The following ZNF285 variants were observed in gnomAD, a reference collection of about 807,000 sequenced individuals.
The protein encoded by ZNF285 is zinc finger protein 285.
A neutral mutation model predicts 6.2 loss-of-function variants in ZNF285; 4 were observed. The observed-to-expected ratio is 0.65, with a 90% CI of 0.32 to 1.49. The LOEUF (loss-of-function observed/expected upper bound fraction) is 1.49. ZNF285 is among the 40% of genes most tolerant of loss of function. ZNF285 has a pLI of 0.07. For missense variants in ZNF285, 695 were observed against 708.8 expected (o/e 0.98, Z 0.22); for synonymous variants, 240 against 245.8 (o/e 0.98, Z 0.22).
In ZNF285 at chr19:44,388,070, G is replaced by A; in HGVS notation, c.175C>T (p.Gln59Ter). ...DGIKNNILNL[Q>*]AKGLSYLSQE... The stretch of plus-strand genomic sequence containing the variant: ...GAAAGGTAACTTAACCCCTTTGCCT[G>A]AAGATTCAAAATGTTGTTTTTAATC... The change falls in exon 4 of 4, where the codon CAG becomes TAG. Residue 59 changes from glutamine to a stop codon, truncating the protein, a stop_gained. Transcript: ENST00000614994. LOFTEE classifies it low-confidence loss of function (END_TRUNC). 6.2e-7 allele frequency: 1 copy of A among 1,613,600 alleles called. No individual in the cohort carries two copies. Among genetic ancestry groups the A allele is most frequent in the Non-Finnish European group, 8.5e-7 (1 of 1,179,824 alleles).
rs1233125913 is a variant in ZNF285 at position 44,387,562 on chromosome 19, A to C, written c.683T>G (p.Leu228Ter). The change falls in exon 4 of 4, where the codon TTA (leucine) becomes TGA (stop). Residue 228 changes from leucine (L) to a stop codon, truncating the protein, a stop_gained. Coordinates refer to ENST00000614994, the MANE Select transcript of ZNF285 (RefSeq NM_152354.6). LOFTEE classifies it low-confidence loss of function (END_TRUNC). ...TVEKRNAAHV[L>*]PQPFPCNNCG... is the part of the protein sequence containing the mutation. ...GTTATTACATGGGAAAGGCTGTGGTAATACATGGGCCGCATTACGTTTTTC... is the reference window on the plus strand; with the variant it reads ...GTTATTACATGGGAAAGGCTGTGGTCATACATGGGCCGCATTACGTTTTTC... The C allele has an allele frequency of 6.2e-7, 1 of 1,613,976 alleles. No individual in the cohort carries two copies. Among genetic ancestry groups the C allele is most frequent in the African/African-American group, 1.3e-5 (1 of 75,038 alleles).
chr19:44,394,430 G>T (rs1971246907), intron 2 of ZNF285: 1 of 436,996 alleles, frequency 2.3e-6, no homozygotes, highest in Non-Finnish European at 4.0e-6. Flanking sequence ...AAGAAGTACT[G>T]AAATAACCTA....
At chr19:44,388,191 T>C (rs113086109) in intron 3 of ZNF285, 89 bp from the exon 4 acceptor site, 51 of 1,264,478 alleles carry the variant, frequency 4.0e-5, no homozygotes, top group East Asian at 3.0e-4. Context: ...GGGTGGGAAG[T>C]TGTCCCTGGG....
At chr19:44,391,544 G>T (rs991276383) in intron 3 of ZNF285, among the ~76,000 whole-genome samples, 1 of 151,978 alleles carries the variant, frequency 6.6e-6, no homozygotes, top group African/African-American at 2.4e-5. Flanking sequence ...CATGGTGGCA[G>T]GCAAGGAGAA....
chr19:44,384,173 G>C lies in ZNF285; in HGVS notation c.*2299C>G, dbSNP rs1032817377. On this transcript the variant is annotated 3_prime_UTR_variant, in exon 4 of 4. Transcript: ENST00000614994. ...TTATAGGTCTAGATCATTGTTGATG[G>C]AGCCATGTTATTCCATTATATGGGA... The C allele has an allele frequency of 1.3e-5, 2 of 152,138 alleles. No homozygotes were observed. Among genetic ancestry groups the C allele is most frequent in the African/African-American group, 4.8e-5 (2 of 41,430 alleles). The allele number at this position is 152,138 out of a possible 1,614,324, so 9.4% of individuals were successfully genotyped here.
chr19:44,398,466 A>G (rs2571143), intron 1 of ZNF285, among the ~76,000 whole-genome samples: 60,807 of 152,030 alleles, frequency 0.4, 16,252 homozygotes, highest in East Asian at 0.76. Flanking sequence ...GAATGGCTAT[A>G]TTCCATATCC....
Position 44,387,527 on chromosome 19 carries a change from C to T in ZNF285, c.718G>A (p.Ala240Thr). 1.2e-6 allele frequency: 2 copies of T among 1,613,926 alleles called. No homozygotes were observed. The highest frequency in any genetic ancestry group is 1.7e-6 in the Non-Finnish European group (2 of 1,179,868). Reference protein sequence around the residue: ...QPFPCNNCGVAFADDTDPHVH... With the variant: ...QPFPCNNCGVTFADDTDPHVH... ...TGAGGATCTGTATCATCTGCAAAGG[C>T]CACCCCACAGTTATTACATGGGAAA... is the stretch of plus-strand genomic sequence containing the variant. The change falls in exon 4 of 4, where the codon GCC becomes ACC. Residue 240 changes from alanine to threonine, a missense_variant. By Grantham distance (58) the Ala-to-Thr change is moderately conservative (BLOSUM62 0). Transcript: ENST00000614994.
chr19:44,398,257 G>A (rs916001623), intron 1 of ZNF285, among the ~76,000 whole-genome samples: 4 of 152,120 alleles, frequency 2.6e-5, no homozygotes, highest in African/African-American at 9.7e-5. Flanking sequence ...GACCAAAGTA[G>A]GTAGACAGAG....
chr19:44,388,146 T>C (rs1209777091), intron 3 of ZNF285, 44 bp from the exon 4 acceptor site: 2 of 1,567,476 alleles, frequency 1.3e-6, no homozygotes, highest in African/African-American at 1.4e-5. Flanking sequence ...AAGTCAATCA[T>C]CCATCCAGAG....
chr19:44,388,053 A>C lies in ZNF285; in HGVS notation c.192T>G (p.Ser64Arg). 1 of 1,614,090 alleles carries C rather than the reference A, an allele frequency of 6.2e-7. No homozygotes were observed. Among genetic ancestry groups the C allele is most frequent in the Non-Finnish European group, 8.5e-7 (1 of 1,180,006 alleles). The part of the protein sequence containing the change: ...NILNLQAKGL[S>R]YLSQEVLHCW... ...AATGAAGCACTTCTTGCGAAAGGTAACTTAACCCCTTTGCCTGAAGATTCA... is the reference window on the plus strand; with the variant it reads ...AATGAAGCACTTCTTGCGAAAGGTACCTTAACCCCTTTGCCTGAAGATTCA... Residue 64 changes from serine to arginine, a missense_variant, in exon 4 of 4, where the codon AGT becomes AGG. By Grantham distance (110) the Ser-to-Arg change is moderately radical. Coordinates refer to ENST00000614994, the MANE Select transcript of ZNF285 (RefSeq NM_152354.6).
Position 44,382,831 on chromosome 19 carries a change from C to A in ZNF285, c.*3641G>T, listed in dbSNP as rs1971023392. The A allele has an allele frequency of 2.0e-5, 3 of 152,158 alleles. No homozygotes were observed. The highest frequency in any genetic ancestry group is 7.2e-5 in the African/African-American group (3 of 41,434). 9.4% of individuals were successfully genotyped at this position (152,158 alleles called of 1,614,324 possible). On this transcript the variant is annotated 3_prime_UTR_variant, in exon 4 of 4. Transcript: ENST00000614994. ...TCTGGCTTTAGTTGTCAGAGCTTCACAGAAGTTGCATGAGAAAGCCAGGTT... is the reference window on the plus strand; with the variant it reads ...TCTGGCTTTAGTTGTCAGAGCTTCAAAGAAGTTGCATGAGAAAGCCAGGTT...
chr19:44,400,565 G>A (rs571948462), intron 1 of ZNF285, among the ~76,000 whole-genome samples: 1 of 152,096 alleles, frequency 6.6e-6, no homozygotes, highest in South Asian at 2.1e-4. Context: ...AATAATTTGG[G>A]GCAGTTCTTT....
intron 1 of ZNF285, among the ~76,000 whole-genome samples, chr19:44,399,382 C>T (rs1480536485): frequency 7.7e-6 from 1 of 129,758 alleles, no homozygotes; most frequent in East Asian, 2.5e-4. Flanking sequence ...CAAAAAACTA[C>T]AAATCCTAAA....
Position 44,387,226 on chromosome 19 carries a change from C to G in ZNF285, c.1019G>C (p.Gly340Ala). 1 of 1,614,186 alleles carries G rather than the reference C, an allele frequency of 6.2e-7. No homozygotes were observed. The highest frequency in any genetic ancestry group is 8.5e-7 in the Non-Finnish European group (1 of 1,180,028). Reference protein sequence around the residue: ...SLHNHHRVHTGEMPYKCDECG... With the variant: ...SLHNHHRVHTAEMPYKCDECG... Reference sequence around the variant, plus strand: ...TTCATCGCATTTGTAGGGCATCTCCCCTGTGTGGACTCGATGATGGTTGTG... The same window carrying G: ...TTCATCGCATTTGTAGGGCATCTCCGCTGTGTGGACTCGATGATGGTTGTG... The change falls in exon 4 of 4, where the codon GGG becomes GCG. Residue 340 changes from glycine to alanine, a missense_variant. By Grantham distance (60) the Gly-to-Ala change is moderately conservative. Transcript: ENST00000614994.
chr19:44,390,505 G>A (rs1054660511), intron 3 of ZNF285, among the ~76,000 whole-genome samples: 1 of 152,160 alleles, frequency 6.6e-6, no homozygotes, highest in Non-Finnish European at 1.5e-5. Flanking sequence ...TATCTAGGAA[G>A]TAAATAACTT....
chr19:44,391,550 G>A (rs183738504), intron 3 of ZNF285, among the ~76,000 whole-genome samples: 1 of 152,072 alleles, frequency 6.6e-6, no homozygotes, highest in East Asian at 1.9e-4. Flanking sequence ...GGCAGGCAAG[G>A]AGAAAGCCTG....
rs955927540 is a variant in ZNF285 at position 44,383,825 on chromosome 19, C to G, written c.*2647G>C. ...TGGCTCCCACTGATTGGGAGCTAGACTAATTTCTGCTTTTTCCATGCTACT... is the reference window on the plus strand; with the variant it reads ...TGGCTCCCACTGATTGGGAGCTAGAGTAATTTCTGCTTTTTCCATGCTACT... On this transcript the variant is annotated 3_prime_UTR_variant, in exon 4 of 4. Coordinates refer to ENST00000614994, the MANE Select transcript of ZNF285 (RefSeq NM_152354.6). 1 of 152,136 alleles carries G rather than the reference C, an allele frequency of 6.6e-6. No homozygotes were observed. Among genetic ancestry groups the G allele is most frequent in the Non-Finnish European group, 1.5e-5 (1 of 68,032 alleles). 9.4% of individuals were successfully genotyped at this position (152,136 alleles called of 1,614,324 possible).
At position 44,383,715 on chromosome 19, in the gene ZNF285, G is replaced by A. The variant is rs987918860; in HGVS notation, c.*2757C>T. 3.9e-5 allele frequency: 6 copies of A among 152,148 alleles called. No homozygotes were observed. Among genetic ancestry groups the A allele is most frequent in the Non-Finnish European group, 4.4e-5 (3 of 68,032 alleles). The allele number at this position is 152,148 out of a possible 1,614,324, so 9.4% of individuals were successfully genotyped here. A position where few individuals can be genotyped will look rare whatever the true frequency, so the allele number is the denominator to read the frequency against. ...TATTTAGGATAAATTATACATGAGC[G>A]AGTCTGTTACGCTTTTATCAAATCA... On this transcript the variant is annotated 3_prime_UTR_variant, in exon 4 of 4. Transcript: ENST00000614994.
In ZNF285 at chr19:44,388,113, A is replaced by G. The variant is rs1971129891; in HGVS notation, c.143-11T>C. The stretch of plus-strand genomic sequence containing the variant: ...TTTTAATCCCGTCTCCTAGGAGAAG[A>G]AAGAGAATTTGGCTAAGAGAACAAG... On this transcript the variant is annotated splice_polypyrimidine_tract_variant and intron_variant, in intron 3 of 3. Transcript: ENST00000614994. 1 of 1,604,698 alleles carries G rather than the reference A, an allele frequency of 6.2e-7. No individual in the cohort carries two copies. Among genetic ancestry groups the G allele is most frequent in the East Asian group, 2.2e-5 (1 of 44,800 alleles).
Sources: allele counts gnomAD v4.1 joint callset (sites outside exome capture counted in the v4.1 genomes callset), GRCh38; gene constraint gnomAD v4.1.1; transcripts MANE v1.5; gene names NCBI Gene and HGNC (gene_info 2026-07-23, HGNC 2026-07-21).